FASTKD1: variants seen among roughly 807,000 people sequenced by gnomAD.
The protein encoded by FASTKD1 is FAST kinase domain-containing protein 1, mitochondrial.
Under a neutral mutation model 90.9 loss-of-function variants are expected in FASTKD1, and 94 were observed. The ratio of observed to expected loss-of-function variants is 1.03; its 90% CI spans 0.88 to 1.23. The LOEUF is 1.23. Ranked by LOEUF, FASTKD1 falls within the 50% of genes most tolerant of loss-of-function variation. The pLI is 0.00. For synonymous variants in FASTKD1, 319 were observed against 345.8 expected (o/e 0.92, Z 0.86); for missense variants, 945 against 993.5 (o/e 0.95, Z 0.66).
At position 169,572,008 on chromosome 2, in the gene FASTKD1, G is replaced by C; in HGVS notation, c.22C>G (p.Leu8Val). ...AGCATATTTGTAACCAATGACTCTA[G>C]GAAAACAGGTGTTTTTTTCATTTAT... MKKTPVF[L>V]ESLVTNMLRL... Residue 8 changes from leucine to valine, a missense_variant, in exon 2 of 15, where the codon CTA becomes GTA. Transcript: ENST00000453153. 1.3e-6 allele frequency: 2 copies of C among 1,574,166 alleles called. No homozygotes were observed.
chr2:169,567,649 A>G (rs537561349), intron 3 of FASTKD1, among the ~76,000 whole-genome samples: 2 of 152,344 alleles, frequency 1.3e-5, no homozygotes, highest in African/African-American at 4.8e-5. Flanking sequence ...TTAAGAGGCA[A>G]TATGTTAAAA....
In FASTKD1 at chr2:169,562,028, T is replaced by TTTG. The variant is rs1559157393; in HGVS notation, c.572+1196_572+1197insCAA. ...TCATTAATTTATTGTAAATTAATTATTTATTAATTTATTGTAAATTAATTA... is the reference window on the plus strand; with the variant it reads ...TCATTAATTTATTGTAAATTAATTATTTGTTATTAATTTATTGTAAATTAATTA... On this transcript the variant is annotated intron_variant, in intron 4 of 14. Coordinates refer to ENST00000453153, the MANE Select transcript of FASTKD1 (RefSeq NM_024622.6). Among the ~76,000 whole-genome samples the TTTG allele has an allele frequency of 1.5e-3, 173 of 116,420 alleles. 17 individuals carry two copies. The highest frequency in any genetic ancestry group is 2.3e-3 in the Non-Finnish European group (130 of 55,848). The allele number at this position is 116,420 out of a possible 152,430, so 76.4% of individuals were successfully genotyped here.
chr2:169,549,133 G>A (rs1409126428), intron 7 of FASTKD1, among the ~76,000 whole-genome samples: 3 of 150,966 alleles, frequency 2.0e-5, no homozygotes, highest in Non-Finnish European at 4.4e-5. Context: ...GGTGGCTCAC[G>A]CCTGTAATCC....
At position 169,569,207 on chromosome 2, in the gene FASTKD1, T is replaced by G. The variant is rs1347035360; in HGVS notation, c.423A>C (p.Thr141=). ...AHDPLVEALV[T]EAWRRLERFD... ...GCCTTTCTAGCCTTCTCCATGCTTC[T>G]GTAACTAGTGCTTCAACTAGCGGGT... Residue 141 remains threonine (T), a synonymous_variant, in exon 3 of 15, where the codon ACA becomes ACC. Coordinates refer to ENST00000453153, the MANE Select transcript of FASTKD1 (RefSeq NM_024622.6). The G allele has an allele frequency of 1.9e-6, 3 of 1,614,140 alleles. No homozygotes were observed. The highest frequency in any genetic ancestry group is 1.7e-6 in the Non-Finnish European group (2 of 1,180,028).
rs1339871756 is a variant in FASTKD1 at position 169,530,603 on chromosome 2, C to G, written c.2426G>C (p.Gly809Ala). ...ATTTCATACCTGAATTACACGATAC[C>G]CCAGAATTTCCAAATGTCGTTTTTT... ...AMKKRHLEIL[G>A]YRVIQISQFE... is the part of the protein sequence containing the mutation. The change falls in exon 14 of 15, where the codon GGG (glycine) becomes GCG (alanine). Residue 809 changes from glycine to alanine, a missense_variant. Coordinates refer to ENST00000453153, the MANE Select transcript of FASTKD1 (RefSeq NM_024622.6). 1.9e-6 allele frequency: 3 copies of G among 1,602,914 alleles called. No homozygotes were observed. In the African/African-American group the frequency reaches 4.0e-5, roughly 22 times the overall value.
rs764232577 is a variant in FASTKD1 at position 169,560,574 on chromosome 2, G to C, written c.784C>G (p.His262Asp). 10 of 1,604,758 alleles carry C rather than the reference G, an allele frequency of 6.2e-6. No individual in the cohort carries two copies. In the East Asian group the frequency reaches 2.2e-4, roughly 36 times the overall value. The change falls in exon 5 of 15, where the codon CAC becomes GAC. Residue 262 changes from histidine (H) to aspartate (D), a missense_variant. Physicochemically the swap from His to Asp is moderately conservative, Grantham distance 81. Coordinates refer to ENST00000453153, the MANE Select transcript of FASTKD1 (RefSeq NM_024622.6). ...TTACTGATGGAATCCAAATCAAGGT[G>C]GTCCACATTACTTAAAAATACGTTA... ...CNNVFLSNVD[H>D]LDLDSISKIL...
intron 9 of FASTKD1, 57 bp downstream of exon 9, chr2:169,544,664 C>T (rs1288644834): frequency 1.1e-6 from 1 of 928,660 alleles, no homozygotes; most frequent in Admixed American, 1.9e-5. Flanking sequence ...CCTAGCTCAG[C>T]AGCAACAAGT....
Position 169,544,788 on chromosome 2 carries a change from C to A in FASTKD1, c.1749G>T (p.Leu583Phe). The A allele has an allele frequency of 6.2e-7, 1 of 1,612,962 alleles. No homozygotes were observed. The highest frequency in any genetic ancestry group is 1.1e-5 in the South Asian group (1 of 91,004). Reference protein sequence around the residue: ...IPAIIRPFSVLNYDPPQRDEF... With the variant: ...IPAIIRPFSVFNYDPPQRDEF... ...CATCCCTTTGAGGTGGATCATAGTT[C>A]AATACGCTGAATGGACGAATAATAG... Residue 583 changes from leucine to phenylalanine, a missense_variant, in exon 9 of 15, where the codon TTG (leucine) becomes TTT (phenylalanine). Coordinates refer to ENST00000453153, the MANE Select transcript of FASTKD1 (RefSeq NM_024622.6).
At chr2:169,540,324 G>A (rs891021292) in intron 9 of FASTKD1, 145 bp from the exon 10 acceptor site, 1 of 814,882 alleles carries the variant, frequency 1.2e-6, no homozygotes, top group East Asian at 3.0e-5. Context: ...ACAGGATAAT[G>A]GTTAAGTGGT....
At chr2:169,558,181 A>T (rs1683414468) in intron 5 of FASTKD1, among the ~76,000 whole-genome samples, 1 of 152,198 alleles carries the variant, frequency 6.6e-6, no homozygotes, top group Non-Finnish European at 1.5e-5. Context: ...GTTAAACCCA[A>T]CTGTTTTATT....
chr2:169,537,129 A>T (rs1360751645), intron 12 of FASTKD1, 98 bp downstream of exon 12: 1 of 786,274 alleles, frequency 1.3e-6, no homozygotes, highest in Non-Finnish European at 2.1e-6. Context: ...AACTTGAAAA[A>T]AATTCAAAAA....
intron 1 of FASTKD1, 135 bp downstream of exon 1, chr2:169,573,534 C>T (rs959493207): frequency 1.3e-5 from 2 of 152,310 alleles, no homozygotes; most frequent in Admixed American, 6.5e-5. Context: ...CAGCCCTGCC[C>T]TAGTCCATCC....
At position 169,572,053 on chromosome 2, in the gene FASTKD1, A is replaced by G; in HGVS notation, c.-24T>C. 6.5e-7 allele frequency: 1 copy of G among 1,542,792 alleles called. No individual in the cohort carries two copies. Among genetic ancestry groups the G allele is most frequent in the East Asian group, 2.3e-5 (1 of 44,136 alleles). ...ATTTATATCACAAGTTTTCTTAGGT[A>G]AACAAAACCATCTGCAACTAGTCGT... is the stretch of plus-strand genomic sequence containing the variant. On this transcript the variant is annotated 5_prime_UTR_variant, in exon 2 of 15. Transcript: ENST00000453153.
chr2:169,538,431 C>G (rs1457498308), intron 10 of FASTKD1, among the ~76,000 whole-genome samples: 1 of 152,006 alleles, frequency 6.6e-6, no homozygotes, highest in Non-Finnish European at 1.5e-5. Flanking sequence ...AATCCCAACA[C>G]TTTGGGAGGC....
At chr2:169,565,074 C>A (rs898489380) in intron 3 of FASTKD1, among the ~76,000 whole-genome samples, 3 of 149,980 alleles carry the variant, frequency 2.0e-5, no homozygotes, top group African/African-American at 7.4e-5. Flanking sequence ...CCTGCCTCAG[C>A]CTCCCGAGTA....
intron 3 of FASTKD1, among the ~76,000 whole-genome samples, chr2:169,564,450 A>G (rs1037275120): frequency 7.2e-5 from 11 of 152,146 alleles, no homozygotes; most frequent in Non-Finnish European, 1.0e-4. Context: ...TTTTGTGGGT[A>G]CATAGTAGGT....
chr2:169,552,317 T>C (rs1685522962), intron 7 of FASTKD1, among the ~76,000 whole-genome samples: 2 of 152,142 alleles, frequency 1.3e-5, no homozygotes, highest in Non-Finnish European at 2.9e-5. Flanking sequence ...TACAGGAAAA[T>C]GAAATCTTCT....
intron 6 of FASTKD1, among the ~76,000 whole-genome samples, chr2:169,555,787 A>G (rs188113992): frequency 3.6e-4 from 55 of 152,332 alleles, no homozygotes; most frequent in East Asian, 1.7e-3. Flanking sequence ...AAATGTAAGT[A>G]TATATTTTTT....
intron 12 of FASTKD1, chr2:169,537,012 T>TTC (rs1559139327): frequency 9.2e-5 from 26 of 283,196 alleles, no homozygotes; most frequent in South Asian, 5.8e-4. Flanking sequence ...TTTTTTTTTT[T>TTC]CTAAAGAATA....
Sources: allele counts gnomAD v4.1 joint callset (sites outside exome capture counted in the v4.1 genomes callset), GRCh38; gene constraint gnomAD v4.1.1; transcripts MANE v1.5; gene names NCBI Gene and HGNC (gene_info 2026-07-23, HGNC 2026-07-21).